The following FBXO42 variants were observed in gnomAD, a reference collection of about 807,000 sequenced individuals.
The protein encoded by FBXO42 is F-box only protein 42.
FBXO42 carries 12 observed loss-of-function variants against 71.7 expected under a neutral mutation model. The ratio of observed to expected loss-of-function variants is 0.17; its 90% CI spans 0.11 to 0.27. FBXO42 has a LOEUF of 0.27. Among genes scored for constraint, FBXO42 ranks in the 10% least tolerant of loss-of-function variants. The pLI is 1.00. For missense variants in FBXO42, 707 were observed against 911.9 expected (o/e 0.78, Z 2.89); for synonymous variants, 325 against 327.5 (o/e 0.99, Z 0.08).
intron 4 of FBXO42, among the ~76,000 whole-genome samples, chr1:16,291,698 G>T (rs183508090): frequency 1.3e-5 from 2 of 151,832 alleles, no homozygotes; most frequent in East Asian, 1.9e-4. Flanking sequence ...TTGAGACAGG[G>T]TCTCCCTCTT....
chr1:16,332,476 G>A (rs2082509533), intron 1 of FBXO42, among the ~76,000 whole-genome samples: 1 of 151,990 alleles, frequency 6.6e-6, no homozygotes, highest in Non-Finnish European at 1.5e-5. Context: ...CCTCCTGGAG[G>A]TTGGAAAATA....
At chr1:16,309,553 T>TTA (rs1224562471) in intron 2 of FBXO42, among the ~76,000 whole-genome samples, 1 of 152,128 alleles carries the variant, frequency 6.6e-6, no homozygotes, top group African/African-American at 2.4e-5. Flanking sequence ...CTAGAAGACC[T>TTA]TGACTTTGGG....
chr1:16,346,691 GA>G (rs557312285), intron 1 of FBXO42, among the ~76,000 whole-genome samples: 88 of 114,128 alleles, frequency 7.7e-4, no homozygotes, highest in East Asian at 2.1e-3. Flanking sequence ...CCGTCTCGGG[GA>G]AAAAAAAAAA....
At chr1:16,297,866 C>CAAA (rs34942089) in intron 3 of FBXO42, among the ~76,000 whole-genome samples, 1 of 74,552 alleles carries the variant, frequency 1.3e-5, no homozygotes, top group Non-Finnish European at 2.5e-5. Flanking sequence ...GACTCCATCT[C>CAAA]AAAAAAAAAA....
intron 1 of FBXO42, among the ~76,000 whole-genome samples, chr1:16,339,911 C>T (rs2082586182): frequency 1.3e-5 from 2 of 152,136 alleles, no homozygotes; most frequent in African/African-American, 2.4e-5. Flanking sequence ...CATGATTGTA[C>T]CACTGCGCTC....
At chr1:16,261,276 CG>C (rs2081708497) in intron 4 of FBXO42, among the ~76,000 whole-genome samples, 1 of 152,104 alleles carries the variant, frequency 6.6e-6, no homozygotes, top group Admixed American at 6.6e-5. Flanking sequence ...ACTTATTCTC[CG>C]AACTCTCCAA....
chr1:16,252,348 T>C lies in FBXO42; in HGVS notation c.978A>G (p.Pro326=), dbSNP rs2081601438. 3.7e-6 allele frequency: 6 copies of C among 1,614,052 alleles called. No homozygotes were observed. In the Admixed American group the frequency reaches 5.0e-5, roughly 13 times the overall value. Residue 326 remains proline (P), a synonymous_variant, in exon 9 of 10, where the codon CCA becomes CCG. Coordinates refer to ENST00000375592, the MANE Select transcript of FBXO42 (RefSeq NM_018994.3). This position sits in a 1 kb window ranked among gnomAD's most constrained non-coding sequence, Gnocchi z 4.4. The part of the protein sequence containing the change: ...HMHSGPWAWQ[P]LKVENEEHGA... Reference sequence around the variant, plus strand: ...CATGCTCTTCATTTTCTACCTTGAGTGGCTGCCAGGCCCAAGGACCAGAAT... The same window carrying C: ...CATGCTCTTCATTTTCTACCTTGAGCGGCTGCCAGGCCCAAGGACCAGAAT...
At chr1:16,270,132 A>G (rs2100470439) in intron 4 of FBXO42, among the ~76,000 whole-genome samples, 1 of 152,318 alleles carries the variant, frequency 6.6e-6, no homozygotes, top group Admixed American at 6.5e-5. Context: ...CTGGGATTAC[A>G]GGTGTGAGCC....
At chr1:16,317,325 T>C (rs1470827057) in intron 1 of FBXO42, among the ~76,000 whole-genome samples, 1 of 151,922 alleles carries the variant, frequency 6.6e-6, no homozygotes, top group Non-Finnish European at 1.5e-5. Flanking sequence ...GGTTAAGGCA[T>C]GAAAATCACT....
At chr1:16,307,307 C>T (rs545654105) in intron 2 of FBXO42, among the ~76,000 whole-genome samples, 44 of 151,934 alleles carry the variant, frequency 2.9e-4, no homozygotes, top group Non-Finnish European at 5.0e-4. Context: ...GAGACCAGCC[C>T]GGGCAACATA....
At chr1:16,336,092 C>G (rs2082550229) in intron 1 of FBXO42, among the ~76,000 whole-genome samples, 1 of 151,330 alleles carries the variant, frequency 6.6e-6, no homozygotes, top group Admixed American at 6.6e-5. Context: ...CGCCTGCCAC[C>G]ATGCCCGGCT....
intron 4 of FBXO42, among the ~76,000 whole-genome samples, chr1:16,274,750 C>A (rs2081881872): frequency 7.2e-6 from 1 of 138,968 alleles, no homozygotes. Flanking sequence ...CACCACCATG[C>A]CCAGCTAATT....
chr1:16,334,332 C>T (rs907662803), intron 1 of FBXO42, among the ~76,000 whole-genome samples: 1 of 146,910 alleles, frequency 6.8e-6, no homozygotes, highest in Non-Finnish European at 1.5e-5. Context: ...ACTCGGGAGG[C>T]TGAGGCAGGA....
At chr1:16,296,542 C>G (rs998468482) in intron 3 of FBXO42, among the ~76,000 whole-genome samples, 22 of 150,348 alleles carry the variant, frequency 1.5e-4, no homozygotes, top group Non-Finnish European at 2.4e-4. Context: ...CCCAGCTACT[C>G]AGGAGGCTGA....
chr1:16,324,501 C>T (rs1230069094), intron 1 of FBXO42, among the ~76,000 whole-genome samples: 1 of 152,130 alleles, frequency 6.6e-6, no homozygotes, highest in Non-Finnish European at 1.5e-5. Flanking sequence ...GGTTCACAGA[C>T]AAGCATTTCA....
intron 4 of FBXO42, among the ~76,000 whole-genome samples, chr1:16,276,240 C>T (rs1259283474): frequency 6.6e-6 from 1 of 151,614 alleles, no homozygotes; most frequent in African/African-American, 2.4e-5. Context: ...ATTAGCCGGG[C>T]ATGGTGGCAT....
At chr1:16,342,715 A>C (rs2082619009) in intron 1 of FBXO42, among the ~76,000 whole-genome samples, 1 of 152,140 alleles carries the variant, frequency 6.6e-6, no homozygotes, top group Admixed American at 6.6e-5. Flanking sequence ...GTCGCCACCA[A>C]AACTCATGTG....
intron 4 of FBXO42, among the ~76,000 whole-genome samples, chr1:16,272,939 T>C (rs1473694073): frequency 1.3e-5 from 2 of 152,174 alleles, no homozygotes; most frequent in Non-Finnish European, 2.9e-5. Context: ...CTTGTCTCGA[T>C]TCTTTTTGTT....
intron 1 of FBXO42, among the ~76,000 whole-genome samples, chr1:16,337,930 AAC>A (rs2100624413): frequency 6.9e-6 from 1 of 144,206 alleles, no homozygotes; most frequent in South Asian, 2.3e-4. Context: ...TAATAGGCCA[AAC>A]ACAGTGGCTC....
Sources: gnomAD v4.1 joint callset for allele counts (sites outside exome capture counted in the v4.1 genomes callset) on GRCh38, gnomAD v4.1.1 for gene constraint, Gnocchi (gnomAD v3.1) non-coding constraint, MANE v1.5 for transcripts, NCBI Gene and HGNC (gene_info 2026-07-23, HGNC 2026-07-21) for gene names.